Variants in ELAPOR2 observed in about 807,000 individuals in gnomAD.
ELAPOR2 encodes the protein endosome-lysosome associated apoptosis and autophagy regulator family member 2, also known as endosome/lysosome-associated apoptosis and autophagy regulator family member 2.
Under a neutral mutation model 120.7 loss-of-function variants are expected in ELAPOR2, and 89 were observed. The observed-to-expected ratio is 0.74, with a 90% confidence interval of 0.62 to 0.88. The LOEUF (loss-of-function observed/expected upper bound fraction) is 0.88, where lower values mean the gene tolerates loss of function less well. ELAPOR2 is among the 40% of genes least tolerant of loss of function. The pLI, the probability that ELAPOR2 is intolerant of heterozygous loss-of-function variation, is 0.00. For synonymous variants in ELAPOR2, 444 were observed against 444.9 expected, an observed-to-expected ratio of 1.00 and a Z score of 0.03; for missense variants, 1,134 against 1,251.6, an observed-to-expected ratio of 0.91 and a Z score of 1.42.
intron 1 of ELAPOR2, among the ~76,000 whole-genome samples, chr7:87,028,502 A>G (rs1325894439): frequency 6.6e-6 from 1 of 152,128 alleles, no homozygotes; most frequent in Non-Finnish European, 1.5e-5. Flanking sequence ...AGAAAAGCCT[A>G]TCATTTCTTC....
intron 1 of ELAPOR2, among the ~76,000 whole-genome samples, chr7:87,054,805 C>A (rs930396719): frequency 6.6e-6 from 1 of 152,206 alleles, no homozygotes; most frequent in Admixed American, 6.5e-5. Flanking sequence ...GTGCTGAGCA[C>A]CAGTGACCTA....
rs7781782 is a variant in ELAPOR2, at chr7:86,877,278, A to C, written c.*3193T>G. 1 of 152,148 alleles carries C rather than the reference A, an allele frequency of 6.6e-6. No individual in the cohort carries two copies. The highest frequency in any genetic ancestry group is 1.5e-5 in the Non-Finnish European group (1 of 68,014). The allele number at this position is 152,148 out of a possible 1,614,324, so 9.4% of individuals were successfully genotyped here. A position where few individuals can be genotyped will look rare whatever the true frequency, so the allele number is the denominator to read the frequency against. On this transcript the variant is annotated 3_prime_UTR_variant, in exon 22 of 22. Coordinates refer to ENST00000450689, the MANE Select transcript of ELAPOR2 (RefSeq NM_001142749.3). ...AATAATCTGTAGCCAGTTAGTATGA[A>C]GATGAATTCCATTTTAGCTTCCAAC...
At chr7:87,033,743 A>G (rs1336215797) in intron 1 of ELAPOR2, among the ~76,000 whole-genome samples, 1 of 152,134 alleles carries the variant, frequency 6.6e-6, no homozygotes, top group African/African-American at 2.4e-5. Flanking sequence ...GTGCCACCAT[A>G]TAAAACTATA....
intron 1 of ELAPOR2, among the ~76,000 whole-genome samples, chr7:87,054,800 G>A (rs1795212937): frequency 6.6e-6 from 1 of 152,178 alleles, no homozygotes; most frequent in South Asian, 2.1e-4. Flanking sequence ...CTCTGGTGCT[G>A]AGCACCAGTG....
chr7:86,928,196 C>T (rs1008003690), intron 8 of ELAPOR2, among the ~76,000 whole-genome samples: 1 of 151,896 alleles, frequency 6.6e-6, no homozygotes, highest in African/African-American at 2.4e-5. Flanking sequence ...CTTCACACAC[C>T]TGCCTTTCTT....
At chr7:86,944,276 G>T (rs1470583065) in intron 4 of ELAPOR2, among the ~76,000 whole-genome samples, 1 of 151,966 alleles carries the variant, frequency 6.6e-6, no homozygotes, top group African/African-American at 2.4e-5. Context: ...TAACTTTAGT[G>T]GTAACAGCTT....
At chr7:86,999,971 A>T (rs1181155574) in intron 1 of ELAPOR2, among the ~76,000 whole-genome samples, 1 of 152,150 alleles carries the variant, frequency 6.6e-6, no homozygotes, top group Non-Finnish European at 1.5e-5. Context: ...AAACAGTGCC[A>T]TATGGAGCCC....
At chr7:87,011,067 A>G (rs1000805441) in intron 1 of ELAPOR2, among the ~76,000 whole-genome samples, 8 of 152,002 alleles carry the variant, frequency 5.3e-5, no homozygotes, top group Admixed American at 3.9e-4. Context: ...AGAGATCGAG[A>G]CCATCCTGGC....
rs369398455 is a variant in ELAPOR2, at chr7:87,048,497, T to C, written c.189+10828A>G. ...AGTCTGGGAAAGGTAGTGTGGGGGT[T>C]GGAGAGGGAGGTGTGGATAATTAAT... On this transcript the variant is annotated intron_variant, in intron 1 of 21. Transcript: ENST00000450689. 6.6e-5 allele frequency among the ~76,000 whole-genome samples: 10 copies of C among 152,148 alleles called. 1 individual carries two copies. The highest frequency in any genetic ancestry group is 2.4e-4 in the African/African-American group (10 of 41,496).
intron 10 of ELAPOR2, among the ~76,000 whole-genome samples, chr7:86,921,663 C>T (rs78599090): frequency 6.6e-6 from 1 of 151,992 alleles, no homozygotes; most frequent in East Asian, 1.9e-4. Context: ...ACTCATGATA[C>T]CCTTAGCAGG....
chr7:87,057,540 G>A (rs947641210), intron 1 of ELAPOR2, among the ~76,000 whole-genome samples: 3 of 152,144 alleles, frequency 2.0e-5, no homozygotes, highest in African/African-American at 7.2e-5. Flanking sequence ...TCATTTTTCA[G>A]AAGGAAAATG....
chr7:86,893,043 C>T lies in ELAPOR2; in HGVS notation c.2743G>A (p.Glu915Lys), dbSNP rs1788253529. Residue 915 changes from glutamate (E) to lysine (K), a missense_variant, in exon 20 of 22, where the codon GAG becomes AAG. Coordinates refer to ENST00000450689, the MANE Select transcript of ELAPOR2 (RefSeq NM_001142749.3). ...KWCIKGISLPEKKLATCETVD... is the reference protein window; with the variant it reads ...KWCIKGISLPKKKLATCETVD... Reference sequence around the variant, plus strand: ...GTTTCACAGGTTGCCAACTTTTTCTCAGGCAAAGAAATTCCTTTAATGCAC... The same window carrying T: ...GTTTCACAGGTTGCCAACTTTTTCTTAGGCAAAGAAATTCCTTTAATGCAC... 2.5e-6 allele frequency: 4 copies of T among 1,583,360 alleles called. No individual in the cohort carries two copies. The highest frequency in any genetic ancestry group is 3.7e-5 in the Admixed American group (2 of 53,478).
intron 13 of ELAPOR2, among the ~76,000 whole-genome samples, chr7:86,914,114 T>C (rs1414329729): frequency 6.6e-6 from 1 of 152,198 alleles, no homozygotes; most frequent in African/African-American, 2.4e-5. Context: ...TGGTTTATCT[T>C]GTTCTCACCT....
chr7:87,038,979 AAAGT>A (rs1467869638), intron 1 of ELAPOR2, among the ~76,000 whole-genome samples: 1 of 152,130 alleles, frequency 6.6e-6, no homozygotes, highest in Non-Finnish European at 1.5e-5. Flanking sequence ...AATGAAACAA[AAAGT>A]TAGTTTTTTG....
At chr7:87,005,318 C>G (rs1349685516) in intron 1 of ELAPOR2, among the ~76,000 whole-genome samples, 1 of 146,470 alleles carries the variant, frequency 6.8e-6, no homozygotes, top group Non-Finnish European at 1.5e-5. Flanking sequence ...ACATTAAAGT[C>G]TGTGTTTCCT....
intron 2 of ELAPOR2, among the ~76,000 whole-genome samples, chr7:86,950,757 G>T (rs1791211650): frequency 6.6e-6 from 1 of 152,226 alleles, no homozygotes; most frequent in South Asian, 2.1e-4. Flanking sequence ...AGCCTGGCAG[G>T]CCAAGGAGGC....
intron 21 of ELAPOR2, among the ~76,000 whole-genome samples, chr7:86,882,702 G>T (rs1049856821): frequency 6.6e-6 from 1 of 152,072 alleles, no homozygotes; most frequent in African/African-American, 2.4e-5. Context: ...TCAATCAATG[G>T]TTATAAAAAT....
chr7:86,902,102 G>A (rs1426377396), intron 18 of ELAPOR2, among the ~76,000 whole-genome samples: 4 of 152,166 alleles, frequency 2.6e-5, no homozygotes, highest in Admixed American at 6.5e-5. Context: ...CTGCTTCATA[G>A]ATAGCACTTT....
intron 1 of ELAPOR2, among the ~76,000 whole-genome samples, chr7:87,035,989 T>C (rs575382329): frequency 6.6e-6 from 1 of 152,332 alleles, no homozygotes; most frequent in African/African-American, 2.4e-5. Flanking sequence ...AAAATGGTAA[T>C]AGTAAAACAG....
Sources: gnomAD v4.1 joint callset for allele counts (sites outside exome capture counted in the v4.1 genomes callset) on GRCh38, gnomAD v4.1.1 for gene constraint, MANE v1.5 for transcripts, NCBI Gene and HGNC (gene_info 2026-07-23, HGNC 2026-07-21) for gene names.